MDFIC: variants seen among roughly 807,000 people sequenced by gnomAD.
MDFIC encodes the protein myoD family inhibitor domain-containing protein.
A neutral mutation model predicts 23.2 loss-of-function variants in MDFIC; 17 were observed. That is an observed-to-expected ratio of 0.73 (90% CI 0.50 to 1.10). MDFIC has a LOEUF of 1.10. Ranked by LOEUF, MDFIC falls within the 50% of genes least tolerant of loss-of-function variation. The pLI, the probability that MDFIC is intolerant of heterozygous loss-of-function variation, is 0.00. For synonymous variants in MDFIC, 120 were observed against 115.2 expected (o/e 1.04, Z -0.27); for missense variants, 356 against 316.6 (o/e 1.12, Z -0.95).
Position 115,015,710 on chromosome 7 carries a change from G to A in MDFIC, c.516G>A (p.Leu172=). Reference sequence around the variant, plus strand: ...AAGATTGTTGTGTCCACTGTATCCTGGCTTGCTTGTTCTGCGAATTCCTGA... The same window carrying A: ...AAGATTGTTGTGTCCACTGTATCCTAGCTTGCTTGTTCTGCGAATTCCTGA... The part of the protein sequence containing the change: ...SPEDCCVHCI[L]ACLFCEFLTL... The change falls in exon 5 of 5, where the codon CTG becomes CTA. Residue 172 remains leucine, a synonymous_variant. Transcript: ENST00000393486. The A allele has an allele frequency of 6.2e-7, 1 of 1,614,120 alleles. No individual in the cohort carries two copies. Among genetic ancestry groups the A allele is most frequent in the Non-Finnish European group, 8.5e-7 (1 of 1,180,016 alleles).
rs778783447 is a variant in MDFIC, at chr7:114,942,370, A to G, written c.190A>G (p.Asn64Asp). ...GEMQDQSIWG[N>D]PSDGELIRTQ... ...GATGCAAGACCAGTCCATTTGGGGA[A>G]ATCCTTCGGATGGTGAACTCATTAG... Residue 64 changes from asparagine (N) to aspartate (D), a missense_variant, in exon 3 of 5, where the codon AAT (asparagine) becomes GAT (aspartate). Physicochemically the swap from Asn to Asp is conservative, Grantham distance 23. Transcript: ENST00000393486. The G allele has an allele frequency of 3.1e-6, 5 of 1,602,678 alleles. No homozygotes were observed. In the South Asian group the frequency reaches 5.7e-5, roughly 18 times the overall value.
At chr7:115,014,293 T>C in intron 4 of MDFIC, 1 of 985,392 alleles carries the variant, frequency 1.0e-6, no homozygotes, top group Admixed American at 6.1e-5. Flanking sequence ...CTGGTGTTTG[T>C]TTTTCTTTAC....
chr7:114,954,593 A>G (rs890146255), intron 3 of MDFIC, among the ~76,000 whole-genome samples: 9 of 152,122 alleles, frequency 5.9e-5, no homozygotes, highest in African/African-American at 9.7e-5. Context: ...TGGGTTCATT[A>G]TTGCCTTTTG....
intron 4 of MDFIC, among the ~76,000 whole-genome samples, chr7:114,994,308 G>A (rs955284315): frequency 3.3e-5 from 5 of 151,250 alleles, no homozygotes; most frequent in Non-Finnish European, 7.4e-5. Context: ...TATCCAATTT[G>A]CCAGTCCGTG....
chr7:114,984,030 A>G (rs974793572), intron 4 of MDFIC, among the ~76,000 whole-genome samples: 1 of 152,174 alleles, frequency 6.6e-6, no homozygotes, highest in Non-Finnish European at 1.5e-5. Context: ...GGTGCATGGT[A>G]AAATTGAGAC....
intron 4 of MDFIC, among the ~76,000 whole-genome samples, chr7:115,004,746 C>T (rs1791534939): frequency 1.3e-5 from 2 of 152,042 alleles, no homozygotes; most frequent in South Asian, 4.1e-4. Flanking sequence ...TTTCCACTTC[C>T]TATGCACTCA....
chr7:114,980,926 T>C (rs1042381485), intron 4 of MDFIC, among the ~76,000 whole-genome samples: 29 of 152,214 alleles, frequency 1.9e-4, no homozygotes, highest in Non-Finnish European at 3.1e-4. Flanking sequence ...AGTGTTAGGT[T>C]GATCAAATGA....
chr7:115,007,102 T>C (rs1044888552), intron 4 of MDFIC, among the ~76,000 whole-genome samples: 9 of 152,202 alleles, frequency 5.9e-5, no homozygotes, highest in Admixed American at 2.0e-4. Context: ...GCCTTCTTGG[T>C]TCATTCTTTC....
At chr7:114,950,085 A>T (rs959898601) in intron 3 of MDFIC, among the ~76,000 whole-genome samples, 1 of 152,178 alleles carries the variant, frequency 6.6e-6, no homozygotes, top group African/African-American at 2.4e-5. Flanking sequence ...GTAGTGACTT[A>T]ATCAACATTG....
At chr7:114,998,844 T>C (rs1043348008) in intron 4 of MDFIC, among the ~76,000 whole-genome samples, 2 of 152,148 alleles carry the variant, frequency 1.3e-5, no homozygotes, top group Non-Finnish European at 2.9e-5. Flanking sequence ...ACATTAAGTT[T>C]TTAAAAAAGA....
At chr7:115,013,514 C>A (rs1791724211) in intron 4 of MDFIC, among the ~76,000 whole-genome samples, 2 of 152,064 alleles carry the variant, frequency 1.3e-5, no homozygotes, top group Non-Finnish European at 2.9e-5. Context: ...TTTGTAGAGT[C>A]CCTCTCTCAA....
At chr7:114,983,604 G>A (rs940543908) in intron 4 of MDFIC, among the ~76,000 whole-genome samples, 1 of 115,774 alleles carries the variant, frequency 8.6e-6, no homozygotes, top group East Asian at 2.5e-4. Flanking sequence ...GTCTCACTCT[G>A]TTGCCCAGGC....
At chr7:114,994,067 C>T (rs1238267943) in intron 4 of MDFIC, among the ~76,000 whole-genome samples, 2 of 152,134 alleles carry the variant, frequency 1.3e-5, no homozygotes, top group African/African-American at 4.8e-5. Context: ...GGATAGTTAG[C>T]TCTTCTTGTT....
chr7:114,965,462 T>G (rs1263028122), intron 3 of MDFIC, among the ~76,000 whole-genome samples: 1 of 152,174 alleles, frequency 6.6e-6, no homozygotes, highest in Admixed American at 6.5e-5. Flanking sequence ...AAATCTGGAC[T>G]CCCAGAGTTC....
At position 115,017,114 on chromosome 7, in the gene MDFIC, T is replaced by C. The variant is rs370111023; in HGVS notation, c.*1179T>C. The C allele has an allele frequency of 1.3e-5, 2 of 152,226 alleles. No individual in the cohort carries two copies. Among genetic ancestry groups the C allele is most frequent in the East Asian group, 3.8e-4 (2 of 5,196 alleles). The allele number at this position is 152,226 out of a possible 1,614,324, so 9.4% of individuals were successfully genotyped here. A position where few individuals can be genotyped will look rare whatever the true frequency, so the allele number is the denominator to read the frequency against. On this transcript the variant is annotated 3_prime_UTR_variant, in exon 5 of 5. Coordinates refer to ENST00000393486, the MANE Select transcript of MDFIC (RefSeq NM_001166345.3). ...AAAGATTTAGGTGGACACCCTAAAC[T>C]GTGTGTGCCTTTAACCAGTTAAAAG...
chr7:115,013,585 G>A (rs1791726215), intron 4 of MDFIC, among the ~76,000 whole-genome samples: 2 of 152,164 alleles, frequency 1.3e-5, no homozygotes, highest in Non-Finnish European at 1.5e-5. Context: ...AGGTATTGTT[G>A]GAATTAGATA....
chr7:115,006,571 A>G (rs1427912717), intron 4 of MDFIC, among the ~76,000 whole-genome samples: 1 of 152,234 alleles, frequency 6.6e-6, no homozygotes, highest in Admixed American at 6.5e-5. Context: ...GCCAAGGACA[A>G]ATGAAAAGAG....
intron 2 of MDFIC, among the ~76,000 whole-genome samples, chr7:114,932,252 A>G (rs1792323381): frequency 6.6e-6 from 1 of 152,210 alleles, no homozygotes; most frequent in East Asian, 1.9e-4. Context: ...AACATATTTG[A>G]TCTTGGTGTT....
At chr7:114,968,451 T>C (rs1413336518) in intron 3 of MDFIC, among the ~76,000 whole-genome samples, 2 of 152,226 alleles carry the variant, frequency 1.3e-5, no homozygotes, top group African/African-American at 4.8e-5. Context: ...CTTCTGCAAG[T>C]TTGGAAACTT....
Sources: gnomAD v4.1 joint callset for allele counts (sites outside exome capture counted in the v4.1 genomes callset) on GRCh38, gnomAD v4.1.1 for gene constraint, MANE v1.5 for transcripts, NCBI Gene and HGNC (gene_info 2026-07-23, HGNC 2026-07-21) for gene names.